The following INPP5D variants were observed in gnomAD, a reference collection of about 807,000 sequenced individuals.
INPP5D encodes inositol polyphosphate-5-phosphatase D.
A neutral mutation model predicts 122.9 loss-of-function variants in INPP5D; 33 were observed. The ratio of observed to expected loss-of-function variants is 0.27; its 90% CI spans 0.20 to 0.36. The LOEUF (loss-of-function observed/expected upper bound fraction) is 0.36, where lower values mean the gene tolerates loss of function less well. Among genes scored for constraint, INPP5D ranks in the 10% least tolerant of loss-of-function variants. The pLI, the probability that INPP5D is intolerant of heterozygous loss-of-function variation, is 1.00. For synonymous variants in INPP5D, 584 were observed against 576.2 expected (o/e 1.01, Z -0.19); for missense variants, 1,053 against 1,412.7 (o/e 0.75, Z 4.08).
chr2:233,147,613 A>G lies in INPP5D; in HGVS notation c.1030+19A>G. The G allele has an allele frequency of 1.4e-6, 1 of 702,830 alleles. No individual in the cohort carries two copies. Among genetic ancestry groups the G allele is most frequent in the Middle Eastern group, 2.3e-4 (1 of 4,358 alleles). The allele number at this position is 702,830 out of a possible 1,614,324, so 43.5% of individuals were successfully genotyped here. A position where few individuals can be genotyped will look rare whatever the true frequency, so the allele number is the denominator to read the frequency against. On this transcript the variant is annotated intron_variant, in intron 9 of 26. Coordinates refer to ENST00000445964, the MANE Select transcript of INPP5D (RefSeq NM_001017915.3). ...AAGAAAAGTAAGACCCCTCGTGCCT[A>G]TCAACCACTGCCCCTCACCTGCCTG...
chr2:233,093,041 C>T (rs1692033439), intron 2 of INPP5D, among the ~76,000 whole-genome samples: 1 of 152,210 alleles, frequency 6.6e-6, no homozygotes, highest in South Asian at 2.1e-4. Context: ...AAGAATGTGT[C>T]TTGAGAGAAA....
chr2:233,126,193 T>G (rs1031610741), intron 4 of INPP5D, among the ~76,000 whole-genome samples: 1 of 152,278 alleles, frequency 6.6e-6, no homozygotes, highest in Non-Finnish European at 1.5e-5. Context: ...GTGTGGGCAC[T>G]CACTGGATAT....
At chr2:233,111,308 C>T (rs1358861801) in intron 2 of INPP5D, among the ~76,000 whole-genome samples, 2 of 152,070 alleles carry the variant, frequency 1.3e-5, no homozygotes, top group African/African-American at 4.8e-5. Flanking sequence ...ACAATATATA[C>T]ATCTATTATT....
At chr2:233,146,934 C>A (rs1479592354) in intron 8 of INPP5D, among the ~76,000 whole-genome samples, 1 of 152,130 alleles carries the variant, frequency 6.6e-6, no homozygotes, top group Non-Finnish European at 1.5e-5. Context: ...AGTGTGAGAC[C>A]CGCACCCCCT....
chr2:233,108,071 G>A (rs1692513737), intron 2 of INPP5D, among the ~76,000 whole-genome samples: 1 of 152,050 alleles, frequency 6.6e-6, no homozygotes, highest in African/African-American at 2.4e-5. Context: ...TAGCCCCAGG[G>A]GGCGGACCTC....
At chr2:233,174,106 A>G (rs957749931) in intron 17 of INPP5D, among the ~76,000 whole-genome samples, 16 of 152,248 alleles carry the variant, frequency 1.1e-4, no homozygotes, top group African/African-American at 3.9e-4. Context: ...TACCTCCTGA[A>G]GGACCTGCCT....
intron 13 of INPP5D, among the ~76,000 whole-genome samples, chr2:233,165,412 ATG>A (rs1389797998): frequency 6.6e-6 from 1 of 150,838 alleles, no homozygotes; most frequent in Non-Finnish European, 1.5e-5. Context: ...GAGTCTACAT[ATG>A]TGAGTCCGTG....
intron 17 of INPP5D, 34 bp downstream of exon 17, chr2:233,171,186 C>A: frequency 6.2e-7 from 1 of 1,609,586 alleles, no homozygotes; most frequent in Non-Finnish European, 8.5e-7. Context: ...TCCCTGCCCT[C>A]CATCTCCTCC....
At chr2:233,203,068 G>A (rs1049189619) in intron 25 of INPP5D, among the ~76,000 whole-genome samples, 1 of 152,214 alleles carries the variant, frequency 6.6e-6, no homozygotes, top group Non-Finnish European at 1.5e-5. Context: ...CGGGCCCCCT[G>A]AGCTCAGATT....
chr2:233,195,638 G>A lies in INPP5D; in HGVS notation c.2693+143G>A, dbSNP rs978990631. The A allele has an allele frequency of 1.3e-5, 18 of 1,410,168 alleles. No homozygotes were observed. The East Asian group carries it at 4.5e-4, about 35-fold the overall frequency. 87.4% of individuals were successfully genotyped at this position (1,410,168 alleles called of 1,614,324 possible). A position where few individuals can be genotyped will look rare whatever the true frequency, so the allele number is the denominator to read the frequency against. On this transcript the variant is annotated intron_variant, in intron 24 of 26. Transcript: ENST00000445964. ...AAGGCTGGAGGATCATTTGAGCCTA[G>A]GAGTTTGAGACCAGCCTGAGCAACA...
Position 233,164,512 on chromosome 2 carries a change from C to G in INPP5D, c.1555+88C>G, listed in dbSNP as rs563202023. 18 of 1,408,460 alleles carry G rather than the reference C, an allele frequency of 1.3e-5. No homozygotes were observed. In the South Asian group the frequency reaches 2.6e-4, roughly 20 times the overall value. 87.2% of individuals were successfully genotyped at this position (1,408,460 alleles called of 1,614,324 possible). A position where few individuals can be genotyped will look rare whatever the true frequency, so the allele number is the denominator to read the frequency against. On this transcript the variant is annotated intron_variant, in intron 13 of 26. Coordinates refer to ENST00000445964, the MANE Select transcript of INPP5D (RefSeq NM_001017915.3). The surrounding 1 kb of genome is among the most constrained non-coding windows in gnomAD (Gnocchi z 4.3). ...CATCCTGATCCCACCAGTAGTTCCCCGGGTTAAAAACAGAGAGCCTCACAT... is the reference window on the plus strand; with the variant it reads ...CATCCTGATCCCACCAGTAGTTCCCGGGGTTAAAAACAGAGAGCCTCACAT...
At chr2:233,146,571 G>A in intron 8 of INPP5D, 133 bp downstream of exon 8, 1 of 669,642 alleles carries the variant, frequency 1.5e-6, no homozygotes, top group East Asian at 2.7e-5. Context: ...GCCAAGAATG[G>A]CAGTCAGTTG....
intron 1 of INPP5D, among the ~76,000 whole-genome samples, chr2:233,068,756 G>A (rs1040383206): frequency 6.6e-6 from 1 of 152,186 alleles, no homozygotes; most frequent in African/African-American, 2.4e-5. Flanking sequence ...GGAGGCCTCT[G>A]GGGGATGCTG....
rs567073552 is a variant in INPP5D at position 233,198,306 on chromosome 2, C to T, written c.2905C>T (p.Pro969Ser). Residue 969 changes from proline to serine, a missense_variant, in exon 25 of 27, where the codon CCC (proline) becomes TCC (serine). By Grantham distance (74) the Pro-to-Ser change is moderately conservative. Coordinates refer to ENST00000445964, the MANE Select transcript of INPP5D (RefSeq NM_001017915.3). ...TCCTCCGACACCTCCCGGCCAGCCG[C>T]CCATATCACCCAAGAAGTTTTTACC... ...ESPPTPPGQP[P>S]ISPKKFLPST... 2 of 1,613,652 alleles carry T rather than the reference C, an allele frequency of 1.2e-6. No homozygotes were observed. The highest frequency in any genetic ancestry group is 1.3e-5 in the African/African-American group (1 of 75,076).
chr2:233,077,661 C>CAAAA (rs36042957), intron 1 of INPP5D, among the ~76,000 whole-genome samples: 2 of 46,466 alleles, frequency 4.3e-5, no homozygotes, highest in African/African-American at 8.4e-5. Context: ...AACTCTGTCT[C>CAAAA]AAAAAAAAAA....
intron 1 of INPP5D, among the ~76,000 whole-genome samples, chr2:233,068,449 G>A (rs1691287048): frequency 2.6e-5 from 4 of 151,928 alleles, no homozygotes; most frequent in Admixed American, 2.6e-4. Context: ...GAAAAATTTA[G>A]CTGGGCATGG....
intron 1 of INPP5D, among the ~76,000 whole-genome samples, chr2:233,073,527 C>G (rs1691437467): frequency 6.6e-6 from 1 of 151,000 alleles, no homozygotes; most frequent in Non-Finnish European, 1.5e-5. Context: ...GTAATCCCAG[C>G]TACTCCGGAG....
intron 14 of INPP5D, 50 bp from the exon 15 acceptor site, chr2:233,169,976 A>C (rs949468089): frequency 1.2e-6 from 2 of 1,611,600 alleles, no homozygotes; most frequent in Non-Finnish European, 1.7e-6. Context: ...GCCACAGTGG[A>C]GGGGGAACCA....
chr2:233,168,316 C>T (rs1574781532), intron 13 of INPP5D, among the ~76,000 whole-genome samples: 2 of 152,326 alleles, frequency 1.3e-5, no homozygotes, highest in South Asian at 2.1e-4. Context: ...CACTCACAAC[C>T]TGTCTCATTT....
Sources: allele counts gnomAD v4.1 joint callset (sites outside exome capture counted in the v4.1 genomes callset), GRCh38; gene constraint gnomAD v4.1.1; non-coding constraint Gnocchi (gnomAD v3.1); transcripts MANE v1.5; gene names NCBI Gene and HGNC (gene_info 2026-07-23, HGNC 2026-07-21).